The following IFIT1 variants were observed in gnomAD, a reference collection of about 807,000 sequenced individuals.
IFIT1 encodes the protein antiviral innate immune response effector IFIT1.
Under a neutral mutation model 2.5 loss-of-function variants are expected in IFIT1, and 1 was observed. The ratio of observed to expected loss-of-function variants is 0.40; its 90% confidence interval spans 0.14 to 1.92. The LOEUF is 1.92. Among genes scored for constraint, IFIT1 ranks in the 40% most tolerant of loss-of-function variants. The pLI is 0.31. For synonymous variants in IFIT1, 191 were observed against 201.7 expected (o/e 0.95, Z 0.45); for missense variants, 508 against 557.8 (o/e 0.91, Z 0.90).
In IFIT1 at chr10:89,404,561, G is replaced by T. The variant is rs971951596; in HGVS notation, c.*849G>T. The T allele has an allele frequency of 2.6e-5, 4 of 152,176 alleles. No individual in the cohort carries two copies. The highest frequency in any genetic ancestry group is 9.7e-5 in the African/African-American group (4 of 41,424). The allele number at this position is 152,176 out of a possible 1,614,324, so 9.4% of individuals were successfully genotyped here. On this transcript the variant is annotated 3_prime_UTR_variant, in exon 2 of 2. Transcript: ENST00000371804. ...GCCCCCCATAACCTGTTAACTATGT[G>T]TGTCTAGCCAATCCACCAACCATAA...
intron 1 of IFIT1, among the ~76,000 whole-genome samples, chr10:89,395,251 G>T (rs972805948): frequency 7.6e-6 from 1 of 132,226 alleles, no homozygotes; most frequent in Non-Finnish European, 1.5e-5. Flanking sequence ...ATGACCCCTT[G>T]GCAAAATTGC....
rs1308506868 is a variant in IFIT1, at chr10:89,403,108, T to C, written c.833T>C (p.Leu278Ser). 2 of 1,614,152 alleles carry C rather than the reference T, an allele frequency of 1.2e-6. No homozygotes were observed. Among genetic ancestry groups the C allele is most frequent in the East Asian group, 2.2e-5 (1 of 44,882 alleles). Residue 278 changes from leucine (L) to serine (S), a missense_variant, in exon 2 of 2, where the codon TTG (leucine) becomes TCG (serine). Coordinates refer to ENST00000371804, the MANE Select transcript of IFIT1 (RefSeq NM_001548.5). ...GCTCTTGAGTTATTAAAAAAGGCCT[T>C]GCAGGAAACACCCACTTCTGTCTTA... ...DKALELLKKA[L>S]QETPTSVLLH...
chr10:89,392,958 CCAAAGAA>C, intron 1 of IFIT1: 1 of 664,416 alleles, frequency 1.5e-6, no homozygotes, highest in Non-Finnish European at 2.5e-6. Context: ...ATGCTATAGC[CCAAAGAA>C]GGGGAGGGAA....
Position 89,403,358 on chromosome 10 carries a change from G to T in IFIT1, c.1083G>T (p.Glu361Asp), listed in dbSNP as rs1844472240. 1.2e-6 allele frequency: 2 copies of T among 1,613,024 alleles called. No individual in the cohort carries two copies. The highest frequency in any genetic ancestry group is 1.7e-6 in the Non-Finnish European group (2 of 1,179,610). ...CAGGCAATCACAGAAAAGCTGAAGA[G>T]AATTTTCAAAAATTGTTATGCATGA... ...IEAGNHRKAE[E>D]NFQKLLCMKP... Residue 361 changes from glutamate (E) to aspartate (D), a missense_variant, in exon 2 of 2, where the codon GAG becomes GAT. Transcript: ENST00000371804.
chr10:89,401,220 G>A (rs560082527), intron 1 of IFIT1, among the ~76,000 whole-genome samples: 3 of 151,640 alleles, frequency 2.0e-5, no homozygotes, highest in East Asian at 3.9e-4. Context: ...AGACTCAAGC[G>A]ATTCTCCTGC....
At chr10:89,393,387 G>A (rs1053726478) in intron 1 of IFIT1, 11 of 986,844 alleles carry the variant, frequency 1.1e-5, no homozygotes, top group Admixed American at 3.2e-5. Context: ...GGGAAGATCC[G>A]TATCTTCCTT....
rs763178597 is a variant in IFIT1, at chr10:89,404,692, C to A, written c.*980C>A. 6.6e-6 allele frequency: 1 copy of A among 152,220 alleles called. No homozygotes were observed. The highest frequency in any genetic ancestry group is 2.1e-4 in the South Asian group (1 of 4,838). 9.4% of individuals were successfully genotyped at this position (152,220 alleles called of 1,614,324 possible). A position where few individuals can be genotyped will look rare whatever the true frequency, so the allele number is the denominator to read the frequency against. ...CAGGAGAGGAGGCTGCAGTGGCTCA[C>A]GCCTGTAATCTCAGCACTTCGATGG... On this transcript the variant is annotated 3_prime_UTR_variant, in exon 2 of 2. Transcript: ENST00000371804.
Position 89,400,962 on chromosome 10 carries a change from T to TC in IFIT1, c.6-1319_6-1318insC, listed in dbSNP as rs1844412709. Among the ~76,000 whole-genome samples the TC allele has an allele frequency of 3.9e-5, 6 of 152,220 alleles. No individual in the cohort carries two copies. The South Asian group carries it at 1.2e-3, about 32-fold the overall frequency. On this transcript the variant is annotated intron_variant, in intron 1 of 1. Coordinates refer to ENST00000371804, the MANE Select transcript of IFIT1 (RefSeq NM_001548.5). ...TATTAGTAGTCTATAGTCTGTTTTTTTTTTCATAAAGGGTGTTGAATTTTG... is the reference window on the plus strand; with the variant it reads ...TATTAGTAGTCTATAGTCTGTTTTTTCTTTTCATAAAGGGTGTTGAATTTTG...
At chr10:89,392,823 T>C in intron 1 of IFIT1, 106 bp downstream of exon 1, 1 of 1,168,326 alleles carries the variant, frequency 8.6e-7, no homozygotes, top group Non-Finnish European at 1.3e-6. Context: ...GGTTTTCTAA[T>C]TCCTCGATTT....
In IFIT1 at chr10:89,403,808, T is replaced by A; in HGVS notation, c.*96T>A. On this transcript the variant is annotated 3_prime_UTR_variant, in exon 2 of 2. Transcript: ENST00000371804. ...TTACTGTTTTCAGAAACATTATAAT[T>A]CACTGTAATGATGTAATTCTTGAAT... is the stretch of plus-strand genomic sequence containing the variant. 1.5e-6 allele frequency: 1 copy of A among 687,548 alleles called. No homozygotes were observed. Among genetic ancestry groups the A allele is most frequent in the Non-Finnish European group, 2.4e-6 (1 of 411,850 alleles). 42.6% of individuals were successfully genotyped at this position (687,548 alleles called of 1,614,324 possible).
Position 89,403,191 on chromosome 10 carries a change from A to G in IFIT1, c.916A>G (p.Thr306Ala). 1.2e-6 allele frequency: 2 copies of G among 1,614,142 alleles called. No homozygotes were observed. Among genetic ancestry groups the G allele is most frequent in the Non-Finnish European group, 8.5e-7 (1 of 1,179,974 alleles). Reference protein sequence around the residue: ...KAQMIQIKEATKGQPRGQNRE... With the variant: ...KAQMIQIKEAAKGQPRGQNRE... ...ACAAATGATCCAAATCAAGGAGGCT[A>G]CAAAAGGGCAGCCTAGAGGGCAGAA... Residue 306 changes from threonine (T) to alanine (A), a missense_variant, in exon 2 of 2, where the codon ACA (threonine) becomes GCA (alanine). Physicochemically the swap from Thr to Ala is moderately conservative, Grantham distance 58 (BLOSUM62 0). Transcript: ENST00000371804.
chr10:89,397,109 C>A (rs905611831), intron 1 of IFIT1, among the ~76,000 whole-genome samples: 8 of 152,112 alleles, frequency 5.3e-5, no homozygotes, highest in African/African-American at 1.9e-4. Context: ...TAGTTTTGAT[C>A]TAATTCATGT....
intron 1 of IFIT1, among the ~76,000 whole-genome samples, chr10:89,399,686 G>A (rs1844394443): frequency 6.6e-6 from 1 of 152,078 alleles, no homozygotes; most frequent in Non-Finnish European, 1.5e-5. Context: ...CATTGTTATG[G>A]AATGAATTGT....
rs969872709 is a variant in IFIT1 at position 89,404,523 on chromosome 10, A to G, written c.*811A>G. 1 of 152,266 alleles carries G rather than the reference A, an allele frequency of 6.6e-6. No individual in the cohort carries two copies. The highest frequency in any genetic ancestry group is 1.5e-5 in the Non-Finnish European group (1 of 68,072). 9.4% of individuals were successfully genotyped at this position (152,266 alleles called of 1,614,324 possible). ...TACCACTATTGTGTGACTGCCCCTCATGAATATTCATAGCCCCCCATAACC... is the reference window on the plus strand; with the variant it reads ...TACCACTATTGTGTGACTGCCCCTCGTGAATATTCATAGCCCCCCATAACC... On this transcript the variant is annotated 3_prime_UTR_variant, in exon 2 of 2. Transcript: ENST00000371804.
Position 89,402,616 on chromosome 10 carries a change from C to A in IFIT1, c.341C>A (p.Ala114Asp). ...TACCACATGGGCAGACTGGCAGAAG[C>A]CCAGACTTACCTGGACAAGGTGGAG... is the stretch of plus-strand genomic sequence containing the variant. ...MYYHMGRLAE[A>D]QTYLDKVENI... Residue 114 changes from alanine (A) to aspartate (D), a missense_variant, in exon 2 of 2, where the codon GCC becomes GAC. Coordinates refer to ENST00000371804, the MANE Select transcript of IFIT1 (RefSeq NM_001548.5). 1 of 1,614,184 alleles carries A rather than the reference C, an allele frequency of 6.2e-7. No homozygotes were observed. Among genetic ancestry groups the A allele is most frequent in the Non-Finnish European group, 8.5e-7 (1 of 1,180,038 alleles).
chr10:89,402,944 T>C lies in IFIT1; in HGVS notation c.669T>C (p.Leu223=), dbSNP rs1288344470. 1 of 1,614,164 alleles carries C rather than the reference T, an allele frequency of 6.2e-7. No individual in the cohort carries two copies. Among genetic ancestry groups the C allele is most frequent in the Non-Finnish European group, 8.5e-7 (1 of 1,180,034 alleles). Residue 223 remains leucine (L), a synonymous_variant, in exon 2 of 2, where the codon CTT becomes CTC. Transcript: ENST00000371804. Reference sequence around the variant, plus strand: ...ACAATGGATATATTAAGGTTCTCCTTGCCCTGAAGCTTCAGGATGAAGGAC... The same window carrying C: ...ACAATGGATATATTAAGGTTCTCCTCGCCCTGAAGCTTCAGGATGAAGGAC... ...NPDNGYIKVL[L]ALKLQDEGQE... is the part of the protein sequence containing the mutation.
At chr10:89,393,223 T>G (rs1589632360) in intron 1 of IFIT1, 1 of 1,289,894 alleles carries the variant, frequency 7.8e-7, no homozygotes, top group Non-Finnish European at 1.0e-6. Flanking sequence ...GCTCACAGCC[T>G]TCCTCCATAG....
chr10:89,397,520 C>G (rs1280178018), intron 1 of IFIT1, among the ~76,000 whole-genome samples: 1 of 152,066 alleles, frequency 6.6e-6, no homozygotes. Flanking sequence ...TTGCATTTCT[C>G]TAATGGCTAG....
In IFIT1 at chr10:89,403,602, C is replaced by T; in HGVS notation, c.1327C>T (p.Leu443Phe). 1 of 1,614,024 alleles carries T rather than the reference C, an allele frequency of 6.2e-7. No homozygotes were observed. Among genetic ancestry groups the T allele is most frequent in the Non-Finnish European group, 8.5e-7 (1 of 1,179,956 alleles). Residue 443 changes from leucine to phenylalanine, a missense_variant, in exon 2 of 2, where the codon CTT becomes TTT. Transcript: ENST00000371804. ...ATTAGATCTGGAAAGCTTGAGCCTC[C>T]TTGGGTTCGTCTACAAATTGGAAGG... The part of the protein sequence containing the change: ...KALDLESLSL[L>F]GFVYKLEGNM...
Sources: gnomAD v4.1 joint callset for allele counts (sites outside exome capture counted in the v4.1 genomes callset) on GRCh38, gnomAD v4.1.1 for gene constraint, MANE v1.5 for transcripts, NCBI Gene and HGNC (gene_info 2026-07-23, HGNC 2026-07-21) for gene names.